The following CLSTN2 variants were observed in gnomAD, a reference collection of about 807,000 sequenced individuals.
CLSTN2 encodes the protein calsyntenin-2.
CLSTN2 carries 48 observed loss-of-function variants against 101.2 expected under a neutral mutation model. The ratio of observed to expected loss-of-function variants is 0.47; its 90% confidence interval spans 0.38 to 0.60. The LOEUF is 0.60. Ranked by LOEUF, CLSTN2 falls within the 20% of genes least tolerant of loss-of-function variation. CLSTN2 has a pLI of 0.00. For synonymous variants in CLSTN2, 481 were observed against 463.6 expected (o/e 1.04, Z -0.48); for missense variants, 1,160 against 1,238.2 (o/e 0.94, Z 0.95).
intron 1 of CLSTN2, among the ~76,000 whole-genome samples, chr3:140,081,740 G>T (rs1473138321): frequency 6.6e-6 from 1 of 152,132 alleles, no homozygotes; most frequent in African/African-American, 2.4e-5. Flanking sequence ...TCCAGAGCAA[G>T]GGTTAGAGCC....
chr3:140,187,013 G>A (rs1235418970), intron 2 of CLSTN2, among the ~76,000 whole-genome samples: 1 of 152,162 alleles, frequency 6.6e-6, no homozygotes, highest in African/African-American at 2.4e-5. Context: ...GGGTTGCAAG[G>A]GGAAAATCTT....
At chr3:140,187,283 G>A (rs2010498443) in intron 2 of CLSTN2, among the ~76,000 whole-genome samples, 1 of 152,144 alleles carries the variant, frequency 6.6e-6, no homozygotes, top group Admixed American at 6.5e-5. Flanking sequence ...CCACTGGGGT[G>A]TATGCTCTCA....
intron 5 of CLSTN2, 114 bp from the exon 6 acceptor site, chr3:140,448,405 A>G: frequency 1.2e-6 from 1 of 830,546 alleles, no homozygotes. Flanking sequence ...CCTAATATCT[A>G]ATATATGTGT....
intron 5 of CLSTN2, among the ~76,000 whole-genome samples, chr3:140,431,762 G>A (rs747711135): frequency 6.6e-6 from 1 of 152,188 alleles, no homozygotes; most frequent in Non-Finnish European, 1.5e-5. Context: ...GGTATGGAGT[G>A]AGAAGGGCTG....
intron 1 of CLSTN2, among the ~76,000 whole-genome samples, chr3:139,956,479 C>T (rs529236155): frequency 1.1e-3 from 165 of 152,182 alleles, no homozygotes; most frequent in African/African-American, 3.3e-3. Context: ...ACAGAGAAGG[C>T]GTTGTTGCTC....
intron 8 of CLSTN2, among the ~76,000 whole-genome samples, chr3:140,502,318 G>T (rs1934594868): frequency 6.6e-6 from 1 of 152,222 alleles, no homozygotes; most frequent in Non-Finnish European, 1.5e-5. Flanking sequence ...GGGCTGAGCA[G>T]TGAAGGATGC....
At chr3:140,123,250 T>C (rs959144875) in intron 1 of CLSTN2, among the ~76,000 whole-genome samples, 3 of 151,850 alleles carry the variant, frequency 2.0e-5, no homozygotes, top group Non-Finnish European at 4.4e-5. Context: ...TGATTCATTC[T>C]AGTCCTTTTA....
chr3:140,185,736 G>A (rs1214422558), intron 2 of CLSTN2, among the ~76,000 whole-genome samples: 1 of 152,178 alleles, frequency 6.6e-6, no homozygotes, highest in Non-Finnish European at 1.5e-5. Flanking sequence ...TGCAGGTGAA[G>A]CTTCCATAAC....
intron 1 of CLSTN2, among the ~76,000 whole-genome samples, chr3:140,016,137 G>T (rs566115058): frequency 6.6e-6 from 1 of 152,300 alleles, no homozygotes; most frequent in Admixed American, 6.5e-5. Context: ...AGGCATGGCT[G>T]TGGGGTGGGT....
chr3:140,381,501 A>G (rs2087983357), intron 2 of CLSTN2, among the ~76,000 whole-genome samples: 12 of 152,242 alleles, frequency 7.9e-5, no homozygotes, highest in Non-Finnish European at 1.5e-5. Context: ...AGTAAAAAGA[A>G]TACCTAAGTC....
chr3:140,042,072 T>A (rs539568152), intron 1 of CLSTN2, among the ~76,000 whole-genome samples: 1 of 152,332 alleles, frequency 6.6e-6, no homozygotes, highest in East Asian at 1.9e-4. Flanking sequence ...TCAATGGGTT[T>A]TAGTATATTC....
At chr3:140,158,867 T>A (rs763100590) in intron 1 of CLSTN2, among the ~76,000 whole-genome samples, 1 of 152,084 alleles carries the variant, frequency 6.6e-6, no homozygotes, top group Non-Finnish European at 1.5e-5. Context: ...AACCTGGATA[T>A]AAAGCCGCAC....
intron 9 of CLSTN2, 140 bp from the exon 10 acceptor site, chr3:140,546,375 G>A (rs1935583595): frequency 1.3e-6 from 1 of 769,402 alleles, no homozygotes; most frequent in East Asian, 2.6e-5. Context: ...TCTGGCTACT[G>A]TGTTCATCAC....
At chr3:140,056,661 C>A (rs1184789415) in intron 1 of CLSTN2, among the ~76,000 whole-genome samples, 1 of 152,128 alleles carries the variant, frequency 6.6e-6, no homozygotes, top group African/African-American at 2.4e-5. Flanking sequence ...TTCAGGGCTA[C>A]AAATTACACT....
intron 1 of CLSTN2, among the ~76,000 whole-genome samples, chr3:140,042,574 G>A (rs539506360): frequency 1.3e-5 from 2 of 152,210 alleles, no homozygotes; most frequent in East Asian, 3.9e-4. Flanking sequence ...TGCACAATGT[G>A]CAGGTTTGTT....
intron 2 of CLSTN2, among the ~76,000 whole-genome samples, chr3:140,362,952 T>C (rs1166566390): frequency 6.6e-6 from 1 of 152,150 alleles, no homozygotes; most frequent in African/African-American, 2.4e-5. Flanking sequence ...TATAAACTTA[T>C]CATATGACCT....
chr3:140,555,014 A>T (rs1935768169), intron 10 of CLSTN2, among the ~76,000 whole-genome samples: 1 of 152,242 alleles, frequency 6.6e-6, no homozygotes, highest in South Asian at 2.1e-4. Flanking sequence ...AAATTATTTA[A>T]TATCTAAGTG....
chr3:140,171,891 AAT>A lies in CLSTN2; in HGVS notation c.110-4053_110-4052del, dbSNP rs1420250625. 3.2e-5 allele frequency among the ~76,000 whole-genome samples: 4 copies of A among 126,514 alleles called. No homozygotes were observed. In the East Asian group the frequency reaches 8.4e-4, roughly 27 times the overall value. The allele number at this position is 126,514 out of a possible 152,430, so 83.0% of individuals were successfully genotyped here. ...ACAATATATAATATATATATTATAT[AAT>A]ATATATTATATATTATGTGTGTGTG... On this transcript the variant is annotated intron_variant, in intron 1 of 16. Transcript: ENST00000458420.
At chr3:140,375,194 A>G (rs905438291) in intron 2 of CLSTN2, among the ~76,000 whole-genome samples, 9 of 152,242 alleles carry the variant, frequency 5.9e-5, no homozygotes, top group African/African-American at 2.2e-4. Context: ...GATCTGACTC[A>G]GTTTTCACTG....
Sources: gnomAD v4.1 joint callset for allele counts (sites outside exome capture counted in the v4.1 genomes callset) on GRCh38, gnomAD v4.1.1 for gene constraint, MANE v1.5 for transcripts, NCBI Gene and HGNC (gene_info 2026-07-23, HGNC 2026-07-21) for gene names.